The following SV2C variants were observed in gnomAD, a reference collection of about 807,000 sequenced individuals.
The protein encoded by SV2C is solute carrier family 22 member B3.
In SV2C, 49 loss-of-function variants were observed where a neutral mutation model predicts 79.7. That is an observed-to-expected ratio of 0.61 (90% confidence interval 0.49 to 0.78). SV2C has a LOEUF of 0.78. Ranked by LOEUF, SV2C falls within the 30% of genes least tolerant of loss-of-function variation. The pLI, the probability that SV2C is intolerant of heterozygous loss-of-function variation, is 0.00. For missense variants in SV2C, 833 were observed against 912.9 expected (o/e 0.91, Z 1.13); for synonymous variants, 334 against 333.2 (o/e 1.00, Z -0.03).
chr5:75,995,543 A>T, the SV2C span, among the ~76,000 whole-genome samples: 1 of 152,302 alleles, frequency 6.6e-6, no homozygotes, highest in East Asian at 1.9e-4. Context: ...TAGAAATGCT[A>T]TCAAATAATT....
the SV2C span, among the ~76,000 whole-genome samples, chr5:75,885,203 C>T: frequency 2.8e-3 from 431 of 152,150 alleles, no homozygotes; most frequent in African/African-American, 9.8e-3. Context: ...AATTAGAGTC[C>T]AGGGATGTCT....
intron 4 of SV2C, among the ~76,000 whole-genome samples, chr5:76,284,674 G>C (rs975351921): frequency 1.3e-5 from 2 of 152,170 alleles, no homozygotes; most frequent in African/African-American, 4.8e-5. Flanking sequence ...GAGAAGGGAA[G>C]CAAGGGAAAT....
At chr5:75,993,114 A>G in the SV2C span, among the ~76,000 whole-genome samples, 50 of 151,740 alleles carry the variant, frequency 3.3e-4, no homozygotes, top group African/African-American at 1.2e-3. Flanking sequence ...TTTGAGAAAT[A>G]GAGTATTTTA....
At chr5:76,124,136 C>G (rs1748623691) in intron 1 of SV2C, among the ~76,000 whole-genome samples, 1 of 152,132 alleles carries the variant, frequency 6.6e-6, no homozygotes, top group South Asian at 2.1e-4. Flanking sequence ...ACCACTTAAC[C>G]ATTTTTAAAT....
chr5:76,259,954 A>T (rs563595405), intron 4 of SV2C, among the ~76,000 whole-genome samples: 9 of 152,334 alleles, frequency 5.9e-5, no homozygotes, highest in Non-Finnish European at 8.8e-5. Context: ...TCCTTTGGAT[A>T]TATACCCAGT....
At chr5:76,171,463 C>T (rs1743244204) in intron 2 of SV2C, among the ~76,000 whole-genome samples, 1 of 118,770 alleles carries the variant, frequency 8.4e-6, no homozygotes, top group African/African-American at 3.0e-5. Flanking sequence ...GCGTCTCTGC[C>T]CGGCTGCCCC....
rs200052408 is a variant in SV2C, at chr5:76,285,184, G to A, written c.936G>A (p.Ser312=). The part of the protein sequence containing the change: ...PHYGWSFSMG[S]AYQFHSWRVF... ...CAGGGTGGAGCTTCAGCATGGGATC[G>A]GCCTACCAGTTTCACAGTTGGCGTG... Residue 312 remains serine (S), a synonymous_variant, in exon 5 of 13, where the codon TCG becomes TCA. Coordinates refer to ENST00000502798, the MANE Select transcript of SV2C (RefSeq NM_014979.4). The A allele has an allele frequency of 2.4e-5, 38 of 1,613,968 alleles. No individual in the cohort carries two copies. The highest frequency in any genetic ancestry group is 3.3e-5 in the South Asian group (3 of 91,072).
the SV2C span, among the ~76,000 whole-genome samples, chr5:75,886,643 T>C: frequency 6.6e-6 from 1 of 152,148 alleles, no homozygotes; most frequent in South Asian, 2.1e-4. Flanking sequence ...GCTAGACACT[T>C]AGGATATAAC....
At chr5:76,166,377 C>T (rs1258471267) in intron 2 of SV2C, among the ~76,000 whole-genome samples, 1 of 152,146 alleles carries the variant, frequency 6.6e-6, no homozygotes, top group East Asian at 1.9e-4. Context: ...CATCAAACCC[C>T]TATTTGGTAG....
the SV2C span, among the ~76,000 whole-genome samples, chr5:76,069,783 C>T: frequency 1.7e-3 from 258 of 152,032 alleles, 6 homozygotes; most frequent in East Asian, 0.049. Flanking sequence ...CAACCTCTCT[C>T]CTCTCTCTCT....
At chr5:76,234,749 G>A (rs1170057743) in intron 4 of SV2C, among the ~76,000 whole-genome samples, 1 of 152,206 alleles carries the variant, frequency 6.6e-6, no homozygotes, top group African/African-American at 2.4e-5. Flanking sequence ...CTCTGGTGCA[G>A]ACTTCAGTGA....
chr5:76,174,491 AAG>A (rs547866565), intron 2 of SV2C, among the ~76,000 whole-genome samples: 2 of 152,164 alleles, frequency 1.3e-5, no homozygotes, highest in Non-Finnish European at 2.9e-5. Context: ...TGGAACAAGA[AAG>A]AGAGAGATCC....
intron 2 of SV2C, chr5:76,173,859 C>T (rs372312696): frequency 8.1e-6 from 13 of 1,597,944 alleles, no homozygotes; most frequent in African/African-American, 1.3e-5. Flanking sequence ...ATCATTGGAA[C>T]ATCATCAGTG....
At chr5:75,867,803 G>C in the SV2C span, among the ~76,000 whole-genome samples, 1 of 152,138 alleles carries the variant, frequency 6.6e-6, no homozygotes, top group Admixed American at 6.5e-5. Flanking sequence ...CCAGGGTCCT[G>C]TTTTTACCTC....
At chr5:75,908,045 C>A in the SV2C span, among the ~76,000 whole-genome samples, 2 of 152,010 alleles carry the variant, frequency 1.3e-5, no homozygotes, top group Non-Finnish European at 2.9e-5. Context: ...AGAGAGGGAA[C>A]GTGACTTAAA....
chr5:76,008,525 C>CT, the SV2C span, among the ~76,000 whole-genome samples: 2 of 152,148 alleles, frequency 1.3e-5, no homozygotes, highest in African/African-American at 4.8e-5. Flanking sequence ...CTGGACTCTT[C>CT]TTTTTCTATC....
chr5:76,255,889 T>TG (rs1561285577), intron 4 of SV2C, among the ~76,000 whole-genome samples: 1 of 152,166 alleles, frequency 6.6e-6, no homozygotes, highest in South Asian at 2.1e-4. Context: ...TCAGCCCTTC[T>TG]GGGGGAAGAG....
the SV2C span, among the ~76,000 whole-genome samples, chr5:75,850,022 A>G: frequency 6.6e-5 from 10 of 152,148 alleles, no homozygotes; most frequent in East Asian, 1.9e-3. Context: ...TGTATTTCTA[A>G]TTTTTGAAGA....
chr5:76,042,470 C>T, the SV2C span, among the ~76,000 whole-genome samples: 1 of 152,186 alleles, frequency 6.6e-6, no homozygotes, highest in African/African-American at 2.4e-5. Flanking sequence ...GAGGCCCTTC[C>T]TTCAAAACTA....
Sources: allele counts gnomAD v4.1 joint callset (sites outside exome capture counted in the v4.1 genomes callset), GRCh38; gene constraint gnomAD v4.1.1; transcripts MANE v1.5; gene names NCBI Gene and HGNC (gene_info 2026-07-23, HGNC 2026-07-21).